Variants in GBP7 observed in about 807,000 individuals in gnomAD.
GBP7 encodes the protein guanylate binding protein 7, also known as guanylate-binding protein 7.
GBP7 carries 43 observed loss-of-function variants against 61.3 expected under a neutral mutation model. That is an observed-to-expected ratio of 0.70 (90% CI 0.55 to 0.91). The LOEUF (loss-of-function observed/expected upper bound fraction) is 0.91. GBP7 is among the 40% of genes least tolerant of loss of function. The pLI, the probability that GBP7 is intolerant of heterozygous loss-of-function variation, is 0.00. For missense variants in GBP7, 717 were observed against 740.5 expected (o/e 0.97, Z 0.37); for synonymous variants, 267 against 271.0 (o/e 0.99, Z 0.14).
At chr1:89,159,614 A>G (rs591900) in intron 3 of GBP7, among the ~76,000 whole-genome samples, 112,214 of 152,140 alleles carry the variant, frequency 0.74, 41,675 homozygotes, top group African/African-American at 0.81. Context: ...TGAAAAAATG[A>G]TCATCATCAC....
intron 9 of GBP7, among the ~76,000 whole-genome samples, chr1:89,138,128 T>C (rs1049612169): frequency 5.3e-5 from 8 of 152,060 alleles, no homozygotes; most frequent in African/African-American, 1.9e-4. Context: ...CAATGAGAAT[T>C]ATAAAACACT....
chr1:89,148,906 A>G (rs1458711396), intron 7 of GBP7, among the ~76,000 whole-genome samples: 1 of 152,180 alleles, frequency 6.6e-6, no homozygotes, highest in African/African-American at 2.4e-5. Flanking sequence ...TAATCTGTAC[A>G]AGAATTCTGT....
chr1:89,164,633 G>T, intron 3 of GBP7, 98 bp downstream of exon 3: 1 of 1,180,200 alleles, frequency 8.5e-7, no homozygotes, highest in Non-Finnish European at 1.2e-6. Context: ...TCAGATTTGT[G>T]ATTCAGGAAT....
intron 8 of GBP7, among the ~76,000 whole-genome samples, chr1:89,143,467 T>C (rs1681997572): frequency 6.6e-6 from 1 of 152,322 alleles, no homozygotes; most frequent in African/African-American, 2.4e-5. Context: ...CACTACTGTT[T>C]TAGGGTGAGT....
chr1:89,166,563 G>C (rs890845423), intron 2 of GBP7, among the ~76,000 whole-genome samples: 1 of 152,176 alleles, frequency 6.6e-6, no homozygotes, highest in Non-Finnish European at 1.5e-5. Context: ...GAATTAAAAA[G>C]TTATACCTTG....
chr1:89,175,101 A>C (rs1055927417), intron 1 of GBP7, among the ~76,000 whole-genome samples: 2 of 152,178 alleles, frequency 1.3e-5, no homozygotes, highest in African/African-American at 4.8e-5. Context: ...AACTTATGTG[A>C]TCATGATACA....
At chr1:89,168,651 C>G (rs1369286357) in intron 2 of GBP7, among the ~76,000 whole-genome samples, 2 of 151,914 alleles carry the variant, frequency 1.3e-5, no homozygotes, top group Non-Finnish European at 2.9e-5. Flanking sequence ...TAAAACCAAA[C>G]TGGCCAGGTG....
Position 89,133,356 on chromosome 1 carries a change from T to G in GBP7, c.1564A>C (p.Ser522Arg). 1.9e-6 allele frequency: 3 copies of G among 1,614,152 alleles called. No homozygotes were observed. Among genetic ancestry groups the G allele is most frequent in the Non-Finnish European group, 2.5e-6 (3 of 1,180,004 alleles). ...QQQMMEAQER[S>R]FQENIAQLKK... ...AGTTGAGCTATGTTTTCCTGGAAACTTCTCTCTTGAGCCTCCATCATTTGC... is the reference window on the plus strand; with the variant it reads ...AGTTGAGCTATGTTTTCCTGGAAACGTCTCTCTTGAGCCTCCATCATTTGC... Residue 522 changes from serine (S) to arginine (R), a missense_variant, in exon 10 of 11, where the codon AGT (serine) becomes CGT (arginine). By Grantham distance (110) the Ser-to-Arg change is moderately radical. Around this residue, in one of 3 missense-constraint regions of GBP7, gnomAD observed 312 missense variants for 310.1 expected, o/e 1.01. Transcript: ENST00000294671.
intron 2 of GBP7, among the ~76,000 whole-genome samples, chr1:89,166,866 CTT>C (rs1647458034): frequency 6.6e-6 from 1 of 152,250 alleles, no homozygotes. Flanking sequence ...AAGACTCTCT[CTT>C]GGCAAGAGCC....
At chr1:89,133,236 G>A in intron 10 of GBP7, 22 bp downstream of exon 10, 1 of 1,602,170 alleles carries the variant, frequency 6.2e-7, no homozygotes, top group South Asian at 1.1e-5. Flanking sequence ...CTCAAGCACT[G>A]CCAAGCTTCA....
intron 3 of GBP7, 81 bp from the exon 4 acceptor site, chr1:89,152,858 C>G: frequency 9.0e-7 from 1 of 1,111,400 alleles, no homozygotes; most frequent in Non-Finnish European, 1.3e-6. Flanking sequence ...ATCCATGTAA[C>G]CAAAACTGAA....
chr1:89,163,230 T>C (rs10922583), intron 3 of GBP7, among the ~76,000 whole-genome samples: 31,567 of 152,052 alleles, frequency 0.21, 3,496 homozygotes, highest in East Asian at 0.38. Context: ...TTCTCTTTTG[T>C]TGTTGTATCT....
intron 7 of GBP7, among the ~76,000 whole-genome samples, chr1:89,148,753 A>G (rs145538835): frequency 2.8e-4 from 42 of 152,292 alleles, no homozygotes; most frequent in African/African-American, 1.0e-3. Context: ...GATGCCCTAA[A>G]AAGAACTTCT....
At chr1:89,165,951 G>A (rs963306260) in intron 2 of GBP7, among the ~76,000 whole-genome samples, 1 of 152,006 alleles carries the variant, frequency 6.6e-6, no homozygotes, top group Non-Finnish European at 1.5e-5. Context: ...CCTTCTGCCC[G>A]TTCTGCCATA....
chr1:89,148,050 A>G (rs748048853), intron 7 of GBP7, among the ~76,000 whole-genome samples: 4 of 152,240 alleles, frequency 2.6e-5, no homozygotes, highest in Non-Finnish European at 5.9e-5. Context: ...CAGTTGTGGC[A>G]GTAGTAGTGT....
At chr1:89,172,723 AAC>A (rs1210517394) in intron 1 of GBP7, among the ~76,000 whole-genome samples, 1 of 151,790 alleles carries the variant, frequency 6.6e-6, no homozygotes, top group Non-Finnish European at 1.5e-5. Context: ...CATTTTGAGA[AAC>A]AGTTTGGAGA....
At chr1:89,150,721 A>G (rs1682176605) in intron 5 of GBP7, 146 bp from the exon 6 acceptor site, 1 of 791,838 alleles carries the variant, frequency 1.3e-6, no homozygotes, top group East Asian at 2.6e-5. Flanking sequence ...CATGCAACCA[A>G]ACTTATGCTA....
intron 7 of GBP7, among the ~76,000 whole-genome samples, chr1:89,148,965 A>T (rs185164966): frequency 5.1e-4 from 77 of 152,366 alleles, no homozygotes; most frequent in African/African-American, 1.8e-3. Flanking sequence ...ATTAACATAT[A>T]TATTAACTCA....
intron 8 of GBP7, among the ~76,000 whole-genome samples, chr1:89,147,202 A>G (rs1682089072): frequency 6.6e-6 from 1 of 152,210 alleles, no homozygotes; most frequent in Non-Finnish European, 1.5e-5. Flanking sequence ...AACCACAATC[A>G]CACCATATCC....
Sources: gnomAD v4.1 joint callset for allele counts (sites outside exome capture counted in the v4.1 genomes callset) on GRCh38, gnomAD v4.1.1 for gene constraint, gnomAD v4.1.1 regional missense constraint, MANE v1.5 for transcripts, NCBI Gene and HGNC (gene_info 2026-07-23, HGNC 2026-07-21) for gene names.